The following PDE6G variants were observed in gnomAD, a reference collection of about 807,000 sequenced individuals.
The protein encoded by PDE6G is rod cGMP 3',5'-cyclic phosphodiesterase subunit gamma.
A neutral mutation model predicts 10.9 loss-of-function variants in PDE6G; 10 were observed. The ratio of observed to expected loss-of-function variants is 0.91; its 90% CI spans 0.56 to 1.55. PDE6G has a LOEUF of 1.55. PDE6G is among the 40% of genes most tolerant of loss of function. PDE6G has a pLI of 0.00. For missense variants in PDE6G, 102 were observed against 110.1 expected, an observed-to-expected ratio of 0.93 and a Z score of 0.33; for synonymous variants, 41 against 42.8, an observed-to-expected ratio of 0.96 and a Z score of 0.16.
chr17:81,656,161 T>G (rs2036443821), intron 1 of PDE6G, among the ~76,000 whole-genome samples: 1 of 152,158 alleles, frequency 6.6e-6, no homozygotes, highest in Admixed American at 6.5e-5. Context: ...ATGCCATCCA[T>G]GTGGAAACCG....
At chr17:81,656,368 C>T (rs2144408364) in intron 1 of PDE6G, 125 bp downstream of exon 1, 1 of 661,930 alleles carries the variant, frequency 1.5e-6, no homozygotes, top group South Asian at 1.6e-5. Flanking sequence ...TCTGCAGACC[C>T]AGACCTCAGC....
At position 81,651,638 on chromosome 17, in the gene PDE6G, G is replaced by C. The variant is rs200581539; in HGVS notation, c.187+7C>G. On this transcript the variant is annotated splice_region_variant and intron_variant, in intron 3 of 3. Transcript: ENST00000331056. This position sits in a 1 kb window ranked among gnomAD's most constrained non-coding sequence, Gnocchi z 4.8. ...AGACCTCGGGTTGGTACTGGCAGCC[G>C]TCATACCTGTTCCCAGGCCTTCCAT... 6.2e-7 allele frequency: 1 copy of C among 1,613,638 alleles called. No individual in the cohort carries two copies. Among genetic ancestry groups the C allele is most frequent in the Non-Finnish European group, 8.5e-7 (1 of 1,179,776 alleles).
Position 81,651,131 on chromosome 17 carries a change from A to G in PDE6G, c.207T>C (p.Pro69=), listed in dbSNP as rs201370215. 1 of 1,613,726 alleles carries G rather than the reference A, an allele frequency of 6.2e-7. No homozygotes were observed. The highest frequency in any genetic ancestry group is 1.1e-5 in the South Asian group (1 of 91,076). Residue 69 remains proline, a synonymous_variant, in exon 4 of 4, where the codon CCT becomes CCC. Transcript: ENST00000331056. This position sits in a 1 kb window ranked among gnomAD's most constrained non-coding sequence, Gnocchi z 4.8. ...GCTCCAGGTGGTTGAAGGCCTCCCAAGGGCAGATGACTGTGATGTCTGTGG... is the reference window on the plus strand; with the variant it reads ...GCTCCAGGTGGTTGAAGGCCTCCCAGGGGCAGATGACTGTGATGTCTGTGG... ...GLGTDITVIC[P]WEAFNHLELH...
At chr17:81,655,714 C>T (rs1018505639) in intron 1 of PDE6G, among the ~76,000 whole-genome samples, 2 of 152,252 alleles carry the variant, frequency 1.3e-5, no homozygotes, top group Non-Finnish European at 1.5e-5. Flanking sequence ...GCTGCTTGCC[C>T]GCACTGGATG....
rs761794781 is a variant in PDE6G at position 81,651,124 on chromosome 17, C to T, written c.214G>A (p.Ala72Thr). 61 of 1,613,708 alleles carry T rather than the reference C, an allele frequency of 3.8e-5. No individual in the cohort carries two copies. The highest frequency in any genetic ancestry group is 4.7e-5 in the Non-Finnish European group (56 of 1,179,734). The change falls in exon 4 of 4, where the codon GCC becomes ACC. Residue 72 changes from alanine to threonine, a missense_variant. Ala to Thr is a moderately conservative substitution (Grantham distance 58, BLOSUM62 0). Coordinates refer to ENST00000331056, the MANE Select transcript of PDE6G (RefSeq NM_002602.4). This position sits in a 1 kb window ranked among gnomAD's most constrained non-coding sequence, Gnocchi z 4.8. ...TCGTGCAGCTCCAGGTGGTTGAAGG[C>T]CTCCCAAGGGCAGATGACTGTGATG... ...TDITVICPWE[A>T]FNHLELHELA...
chr17:81,660,334 C>G (rs970647126), upstream of PDE6G, among the ~76,000 whole-genome samples: 1 of 152,080 alleles, frequency 6.6e-6, no homozygotes, highest in African/African-American at 2.4e-5. Context: ...ATTTTTTGAA[C>G]TCGGTAAGTG....
At chr17:81,655,541 C>T (rs2036434579) in intron 1 of PDE6G, among the ~76,000 whole-genome samples, 1 of 152,260 alleles carries the variant, frequency 6.6e-6, no homozygotes, top group Non-Finnish European at 1.5e-5. Context: ...CCTACAGCCT[C>T]TCCCCAGATG....
intron 1 of PDE6G, among the ~76,000 whole-genome samples, chr17:81,655,862 C>A (rs2144407473): frequency 6.6e-6 from 1 of 152,236 alleles, no homozygotes; most frequent in East Asian, 1.9e-4. Context: ...GGGCAGGTGG[C>A]CCATTTTGGG....
intron 1 of PDE6G, among the ~76,000 whole-genome samples, chr17:81,654,360 G>A (rs930464561): frequency 2.6e-5 from 4 of 151,444 alleles, no homozygotes; most frequent in Non-Finnish European, 5.9e-5. Flanking sequence ...GGCGTCTCCC[G>A]GGCTGTTGCC....
In PDE6G at chr17:81,652,045, A is replaced by G. The variant is rs190001346; in HGVS notation, c.147-360T>C. Among the ~76,000 whole-genome samples, 5 of 152,202 alleles carry G rather than the reference A, an allele frequency of 3.3e-5. No homozygotes were observed. In the East Asian group the frequency reaches 9.7e-4, roughly 29 times the overall value. On this transcript the variant is annotated intron_variant, in intron 2 of 3. Coordinates refer to ENST00000331056, the MANE Select transcript of PDE6G (RefSeq NM_002602.4). ...TTGTCTGTGAGTGTGCCTCACGTGC[A>G]TATGTGGAGGTGTGAGCGTGTTTGT...
intron 1 of PDE6G, among the ~76,000 whole-genome samples, chr17:81,662,696 A>G (rs1221639530): frequency 1.3e-5 from 2 of 152,086 alleles, no homozygotes; most frequent in Non-Finnish European, 2.9e-5. Flanking sequence ...TAACTAAACA[A>G]CTCATGAAAA....
At chr17:81,655,467 G>T (rs536236781) in intron 1 of PDE6G, among the ~76,000 whole-genome samples, 2 of 152,214 alleles carry the variant, frequency 1.3e-5, no homozygotes, top group Non-Finnish European at 2.9e-5. Context: ...GAAGGGCCTC[G>T]GCCGCTCTGG....
intron 1 of PDE6G, among the ~76,000 whole-genome samples, chr17:81,661,791 C>A (rs558835301): frequency 1.4e-5 from 2 of 143,916 alleles, no homozygotes; most frequent in African/African-American, 5.2e-5. Context: ...ACCTGGGCGG[C>A]AGAGGTTGCA....
At position 81,651,671 on chromosome 17, in the gene PDE6G, A is replaced by T; in HGVS notation, c.161T>A (p.Ile54Asn). 5 of 1,613,952 alleles carry T rather than the reference A, an allele frequency of 3.1e-6. No individual in the cohort carries two copies. Among genetic ancestry groups the T allele is most frequent in the Non-Finnish European group, 4.2e-6 (5 of 1,179,926 alleles). Residue 54 changes from isoleucine to asparagine, a missense_variant, in exon 3 of 4, where the codon ATC becomes AAC. Ile to Asn is a moderately radical substitution (Grantham distance 149). Coordinates refer to ENST00000331056, the MANE Select transcript of PDE6G (RefSeq NM_002602.4). This position sits in a 1 kb window ranked among gnomAD's most constrained non-coding sequence, Gnocchi z 4.8. ...TGTTCCCAGGCCTTCCATTCCAGGG[A>T]TGTCGTCCCCAAACCTGCAAGGACA... The part of the protein sequence containing the change: ...KKGVQGFGDD[I>N]PGMEGLGTDI...
upstream of PDE6G, among the ~76,000 whole-genome samples, chr17:81,658,958 C>A (rs2036483421): frequency 3.3e-5 from 5 of 151,990 alleles, no homozygotes; most frequent in Admixed American, 3.3e-4. Context: ...CATAAAGCTC[C>A]AAATAGACCT....
upstream of PDE6G, among the ~76,000 whole-genome samples, chr17:81,657,818 T>G (rs1250462775): frequency 6.6e-6 from 1 of 151,706 alleles, no homozygotes; most frequent in Non-Finnish European, 1.5e-5. Context: ...GAGGCGGAGC[T>G]TGCAGTGAGC....
chr17:81,653,051 A>C lies in PDE6G; in HGVS notation c.146+109T>G. ...TACCTTCCCCAGCTGTGAGGCTGGG[A>C]CCACTCACCCAGTGAAGTGGCCCCA... On this transcript the variant is annotated intron_variant, in intron 2 of 3. Coordinates refer to ENST00000331056, the MANE Select transcript of PDE6G (RefSeq NM_002602.4). The surrounding 1 kb of genome is among the most constrained non-coding windows in gnomAD (Gnocchi z 5.2). The C allele has an allele frequency of 8.0e-7, 1 of 1,253,770 alleles. No homozygotes were observed. Among genetic ancestry groups the C allele is most frequent in the Non-Finnish European group, 1.2e-6 (1 of 857,370 alleles). 77.7% of individuals were successfully genotyped at this position (1,253,770 alleles called of 1,614,324 possible).
Position 81,650,970 on chromosome 17 carries a change from G to C in PDE6G, c.*104C>G, listed in dbSNP as rs1160611495. ...GTTGCAGTCCCATCCTGGTGTCCAG[G>C]TGCCATCTGGGCTAGGGAGGCATCT... On this transcript the variant is annotated 3_prime_UTR_variant, in exon 4 of 4. Coordinates refer to ENST00000331056, the MANE Select transcript of PDE6G (RefSeq NM_002602.4). 2.4e-6 allele frequency: 2 copies of C among 843,966 alleles called. No individual in the cohort carries two copies. The highest frequency in any genetic ancestry group is 1.4e-5 in the South Asian group (1 of 72,892). The allele number at this position is 843,966 out of a possible 1,614,324, so 52.3% of individuals were successfully genotyped here. A position where few individuals can be genotyped will look rare whatever the true frequency, so the allele number is the denominator to read the frequency against.
chr17:81,656,492 C>G lies in PDE6G; in HGVS notation c.-60+1G>C, dbSNP rs1198993383. ...AGACAGCGGGGTTGGCCACTACTCA[C>G]CAAGTGCAGGGCGGGTCTCAGGGGG... On this transcript the variant is annotated splice_donor_variant, in intron 1 of 3. Transcript: ENST00000331056. LOFTEE classifies it low-confidence loss of function (5UTR_SPLICE). 1 of 762,824 alleles carries G rather than the reference C, an allele frequency of 1.3e-6. No homozygotes were observed. Among genetic ancestry groups the G allele is most frequent in the South Asian group, 1.4e-5 (1 of 73,980 alleles). The allele number at this position is 762,824 out of a possible 1,614,324, so 47.3% of individuals were successfully genotyped here.
Sources: allele counts gnomAD v4.1 joint callset (sites outside exome capture counted in the v4.1 genomes callset), GRCh38; gene constraint gnomAD v4.1.1; non-coding constraint Gnocchi (gnomAD v3.1); transcripts MANE v1.5; gene names NCBI Gene and HGNC (gene_info 2026-07-23, HGNC 2026-07-21).